CELSR1: variants seen among roughly 807,000 people sequenced by gnomAD.
CELSR1 encodes the protein cadherin EGF LAG seven-pass G-type receptor 1, also known as adhesion G protein-coupled receptor C1.
A neutral mutation model predicts 249.1 loss-of-function variants in CELSR1; 110 were observed. The observed-to-expected ratio is 0.44, with a 90% CI of 0.38 to 0.52. The LOEUF (loss-of-function observed/expected upper bound fraction) is 0.52, where lower values mean the gene tolerates loss of function less well. CELSR1 is among the 20% of genes least tolerant of loss of function. CELSR1 has a pLI of 0.00. For synonymous variants in CELSR1, 2,113 were observed against 1,900.0 expected (o/e 1.11, Z -2.92); for missense variants, 4,109 against 4,296.4 (o/e 0.96, Z 1.22).
chr22:46,498,902 G>A (rs746852896), intron 1 of CELSR1, among the ~76,000 whole-genome samples: 7 of 151,240 alleles, frequency 4.6e-5, no homozygotes, highest in Admixed American at 1.3e-4. Context: ...ACATGGGGCC[G>A]GGCTCGGTGG....
chr22:46,455,102 C>T (rs1425667339), intron 2 of CELSR1, among the ~76,000 whole-genome samples: 1 of 152,176 alleles, frequency 6.6e-6, no homozygotes, highest in Non-Finnish European at 1.5e-5. Context: ...AGTCAGATAC[C>T]ACCTGGGGCT....
At position 46,363,168 on chromosome 22, in the gene CELSR1, C is replaced by T. The variant is rs929002108; in HGVS notation, c.*55G>A. The stretch of plus-strand genomic sequence containing the variant: ...TGATGCCGCAGCCTGTGTGGGGTGA[C>T]GGGCTTGCCTCACGGTTTCCTGATG... On this transcript the variant is annotated 3_prime_UTR_variant, in exon 35 of 35. Coordinates refer to ENST00000674500, the MANE Select transcript of CELSR1 (RefSeq NM_001378328.1). The surrounding 1 kb of genome is among the most constrained non-coding windows in gnomAD (Gnocchi z 4.3). 1.7e-5 allele frequency: 27 copies of T among 1,613,544 alleles called. No individual in the cohort carries two copies. Among genetic ancestry groups the T allele is most frequent in the African/African-American group, 6.7e-5 (5 of 74,838 alleles).
chr22:46,386,841 C>T lies in CELSR1; in HGVS notation c.6556-256G>A, dbSNP rs562291828. Among the ~76,000 whole-genome samples the T allele has an allele frequency of 6.6e-5, 10 of 152,268 alleles. No homozygotes were observed. The East Asian group carries it at 1.5e-3, about 24-fold the overall frequency. ...TCATCTCGGCTCACTGCAACCTCCGCCTCCTGGGTTCAAGGAATTCTCTTG... is the reference window on the plus strand; with the variant it reads ...TCATCTCGGCTCACTGCAACCTCCGTCTCCTGGGTTCAAGGAATTCTCTTG... On this transcript the variant is annotated intron_variant, in intron 18 of 34. Transcript: ENST00000674500.
intron 2 of CELSR1, among the ~76,000 whole-genome samples, chr22:46,463,444 A>C (rs557126598): frequency 4.0e-5 from 6 of 151,734 alleles, no homozygotes; most frequent in African/African-American, 1.2e-4. Context: ...TGAACCGAGG[A>C]GGCGGAGGTT....
intron 1 of CELSR1, among the ~76,000 whole-genome samples, chr22:46,509,537 A>G (rs1275211327): frequency 5.6e-5 from 1 of 17,964 alleles, no homozygotes; most frequent in Non-Finnish European, 1.5e-4. Context: ...AGTCAACTGG[A>G]CAGTGGGTGC....
In CELSR1 at chr22:46,414,032, C is replaced by T. The variant is rs748594388; in HGVS notation, c.4612-2273G>A. 5.9e-4 allele frequency among the ~76,000 whole-genome samples: 90 copies of T among 152,222 alleles called. 1 individual carries two copies. The highest frequency in any genetic ancestry group is 9.2e-4 in the Admixed American group (14 of 15,286). ...AAACTGCTGCTGGTAATCAATGGCT[C>T]AGAGCTACGGATTCAAGCAAAAAAC... On this transcript the variant is annotated intron_variant, in intron 5 of 34. Coordinates refer to ENST00000674500, the MANE Select transcript of CELSR1 (RefSeq NM_001378328.1).
In CELSR1 at chr22:46,516,608, G is replaced by C. The variant is rs947075342; in HGVS notation, c.3544+17019C>G. Among the ~76,000 whole-genome samples, 3 of 152,100 alleles carry C rather than the reference G, an allele frequency of 2.0e-5. No individual in the cohort carries two copies. In the East Asian group the frequency reaches 5.8e-4, roughly 29 times the overall value. On this transcript the variant is annotated intron_variant, in intron 1 of 34. Transcript: ENST00000674500. ...TCCTGCCTCGCCTCCCAAAGTGCTT[G>C]GGATTAGAAGCATGAGCCACCACAC...
chr22:46,368,999 C>T (rs540487609), intron 27 of CELSR1, 180 bp downstream of exon 27: 37 of 609,234 alleles, frequency 6.1e-5, no homozygotes, highest in African/African-American at 5.0e-4. Context: ...CTAACCTCCC[C>T]CAGCCCCTGC....
rs2079585278 is a variant in CELSR1, at chr22:46,430,680, TG to T, written c.4611+2712del. ...ACCAGAGGTGACATTGGAGACAAAG[TG>T]GAGGCCCAGAGAGCAGAGGAACCAG... is the stretch of plus-strand genomic sequence containing the variant. On this transcript the variant is annotated intron_variant, in intron 5 of 34. Transcript: ENST00000674500. This position sits in a 1 kb window ranked among gnomAD's most constrained non-coding sequence, Gnocchi z 4.6. Among the ~76,000 whole-genome samples, 1 of 152,148 alleles carries T rather than the reference TG, an allele frequency of 6.6e-6. No individual in the cohort carries two copies. Among genetic ancestry groups the T allele is most frequent in the African/African-American group, 2.4e-5 (1 of 41,416 alleles).
chr22:46,524,159 C>T (rs999820479), intron 1 of CELSR1, among the ~76,000 whole-genome samples: 2 of 152,220 alleles, frequency 1.3e-5, no homozygotes, highest in Non-Finnish European at 2.9e-5. Flanking sequence ...CTCTTCCTGT[C>T]GCTACAAGCT....
chr22:46,453,936 AC>A (rs964723260), intron 2 of CELSR1, among the ~76,000 whole-genome samples: 2 of 152,090 alleles, frequency 1.3e-5, no homozygotes, highest in Non-Finnish European at 2.9e-5. Flanking sequence ...AAAATAATGG[AC>A]CCCAAAAGGC....
chr22:46,386,918 C>G (rs1179313487), intron 18 of CELSR1, among the ~76,000 whole-genome samples: 6 of 152,064 alleles, frequency 3.9e-5, no homozygotes, highest in Non-Finnish European at 5.9e-5. Context: ...CCACCACACC[C>G]GGCTAATTTT....
In CELSR1 at chr22:46,527,044, G is replaced by C. The variant is rs772695934; in HGVS notation, c.3544+6583C>G. ...ATGCCTTAGGAGCTGCCCGGTCCAG[G>C]TTCAAATCCCACTGCTGCCATCACA... is the stretch of plus-strand genomic sequence containing the variant. On this transcript the variant is annotated intron_variant, in intron 1 of 34. Transcript: ENST00000674500. The surrounding 1 kb of genome is among the most constrained non-coding windows in gnomAD (Gnocchi z 5.5). Among the ~76,000 whole-genome samples, 5 of 152,186 alleles carry C rather than the reference G, an allele frequency of 3.3e-5. No individual in the cohort carries two copies. Among genetic ancestry groups the C allele is most frequent in the African/African-American group, 4.8e-5 (2 of 41,438 alleles).
Position 46,390,336 on chromosome 22 carries a change from G to T in CELSR1, c.6345+56C>A. The T allele has an allele frequency of 2.2e-6, 3 of 1,374,020 alleles. No homozygotes were observed. In the South Asian group the frequency reaches 3.8e-5, roughly 17 times the overall value. The allele number at this position is 1,374,020 out of a possible 1,614,324, so 85.1% of individuals were successfully genotyped here. A position where few individuals can be genotyped will look rare whatever the true frequency, so the allele number is the denominator to read the frequency against. The stretch of plus-strand genomic sequence containing the variant: ...CCTCGGCCCACACAAACTCTCTCAC[G>T]CATACACGAACACACACGTGCCCCT... On this transcript the variant is annotated intron_variant, in intron 17 of 34. Transcript: ENST00000674500. The surrounding 1 kb of genome is among the most constrained non-coding windows in gnomAD (Gnocchi z 6.3).
intron 1 of CELSR1, among the ~76,000 whole-genome samples, chr22:46,507,101 G>A (rs531872673): frequency 2.0e-4 from 30 of 152,108 alleles, no homozygotes; most frequent in African/African-American, 2.7e-4. Flanking sequence ...CTGGAGGATC[G>A]CTTGAACCAG....
intron 27 of CELSR1, among the ~76,000 whole-genome samples, chr22:46,368,469 C>G (rs148439973): frequency 2.0e-5 from 3 of 152,096 alleles, no homozygotes; most frequent in South Asian, 4.2e-4. Context: ...GCCCTACCCC[C>G]CTTCAGACTC....
chr22:46,376,803 C>CA (rs71705266), intron 24 of CELSR1, among the ~76,000 whole-genome samples: 15,437 of 122,186 alleles, frequency 0.13, 2,354 homozygotes, highest in African/African-American at 0.38. Context: ...GCGAGACTCT[C>CA]AAAAAAAAAA....
At position 46,394,425 on chromosome 22, in the gene CELSR1, C is replaced by T. The variant is rs927855798; in HGVS notation, c.5844-163G>A. Among the ~76,000 whole-genome samples, 3 of 152,304 alleles carry T rather than the reference C, an allele frequency of 2.0e-5. No individual in the cohort carries two copies. In the South Asian group the frequency reaches 6.2e-4, roughly 32 times the overall value. The stretch of plus-strand genomic sequence containing the variant: ...TTACATGGCCTCAGTCTCCCCTCTA[C>T]CGGCTCCCAACCTCACCCCCCACCC... On this transcript the variant is annotated intron_variant, in intron 13 of 34. Transcript: ENST00000674500.
chr22:46,450,791 T>G (rs2079874570), intron 2 of CELSR1, among the ~76,000 whole-genome samples: 2 of 152,200 alleles, frequency 1.3e-5, no homozygotes, highest in Admixed American at 6.5e-5. Flanking sequence ...AGAGGTTTCC[T>G]GAGCAAGATC....
Sources: gnomAD v4.1 joint callset for allele counts (sites outside exome capture counted in the v4.1 genomes callset) on GRCh38, gnomAD v4.1.1 for gene constraint, Gnocchi (gnomAD v3.1) non-coding constraint, MANE v1.5 for transcripts, NCBI Gene and HGNC (gene_info 2026-07-23, HGNC 2026-07-21) for gene names.